IQCH: variants seen among roughly 807,000 people sequenced by gnomAD.
The protein encoded by IQCH is IQ motif containing H.
In IQCH, 98 loss-of-function variants were observed where a neutral mutation model predicts 117.0. The observed-to-expected ratio is 0.84, with a 90% confidence interval of 0.71 to 0.99. The LOEUF is 0.99. Among genes scored for constraint, IQCH ranks in the 50% least tolerant of loss-of-function variants. The pLI is 0.00. For missense variants in IQCH, 1,102 were observed against 1,243.8 expected, an observed-to-expected ratio of 0.89 and a Z score of 1.72; for synonymous variants, 412 against 448.2, an observed-to-expected ratio of 0.92 and a Z score of 1.02.
rs555501639 is a variant in IQCH at position 67,485,847 on chromosome 15, T to C, written c.2800-4156T>C. 3.9e-3 allele frequency among the ~76,000 whole-genome samples: 596 copies of C among 151,570 alleles called. 2 individuals carry two copies. Among genetic ancestry groups the C allele is most frequent in the Non-Finnish European group, 6.8e-3 (463 of 67,886 alleles). On this transcript the variant is annotated intron_variant, in intron 18 of 20. Transcript: ENST00000335894. Reference sequence around the variant, plus strand: ...CTAGTTTTTGTATTTTTGGTAGAATTGGGGTTTCACCGTGTTGGTCAGGAT... The same window carrying C: ...CTAGTTTTTGTATTTTTGGTAGAATCGGGGTTTCACCGTGTTGGTCAGGAT...
Position 67,361,148 on chromosome 15 carries a change from G to C in IQCH, c.753+1263G>C, listed in dbSNP as rs151324379. ...GGGTGCAAAGGATCCAGCTGACAGA[G>C]TGAAGCTCCGGAGTTTGTGCTCTCT... On this transcript the variant is annotated intron_variant, in intron 8 of 20. Transcript: ENST00000335894. Among the ~76,000 whole-genome samples, 97 of 152,326 alleles carry C rather than the reference G, an allele frequency of 6.4e-4. 1 individual carries two copies. Among genetic ancestry groups the C allele is most frequent in the Admixed American group, 4.3e-3 (66 of 15,302 alleles).
rs901627012 is a variant in IQCH, at chr15:67,306,921, C to T, written c.387+27409C>T. 3.5e-6 allele frequency: 5 copies of T among 1,436,916 alleles called. No homozygotes were observed. In the African/African-American group the frequency reaches 5.8e-5, roughly 17 times the overall value. The allele number at this position is 1,436,916 out of a possible 1,614,324, so 89.0% of individuals were successfully genotyped here. ...GTTCCAGTTAGACTTTATAATACAA[C>T]ACATTAAGAAATCTACAGAAAATTT... On this transcript the variant is annotated intron_variant, in intron 4 of 20. Transcript: ENST00000335894.
At chr15:67,396,492 A>G (rs1028688008) in intron 13 of IQCH, among the ~76,000 whole-genome samples, 1 of 152,234 alleles carries the variant, frequency 6.6e-6, no homozygotes, top group Non-Finnish European at 1.5e-5. Context: ...GGAGAAATGT[A>G]TTAGCCACTA....
At chr15:67,299,120 C>T (rs571723531) in intron 4 of IQCH, among the ~76,000 whole-genome samples, 1 of 148,316 alleles carries the variant, frequency 6.7e-6, no homozygotes, top group African/African-American at 2.5e-5. Flanking sequence ...TTTGCAACAA[C>T]ATGGATAGAA....
chr15:67,326,116 C>T (rs1232386083), intron 4 of IQCH, among the ~76,000 whole-genome samples: 2 of 152,112 alleles, frequency 1.3e-5, no homozygotes, highest in Non-Finnish European at 2.9e-5. Flanking sequence ...TCCCTCCCCA[C>T]TACCCCCACC....
intron 6 of IQCH, among the ~76,000 whole-genome samples, chr15:67,351,338 G>A (rs1341496290): frequency 6.6e-6 from 1 of 151,860 alleles, no homozygotes; most frequent in Non-Finnish European, 1.5e-5. Flanking sequence ...AGAACATACA[G>A]TGTTTGGTTT....
chr15:67,324,491 T>C (rs1485660628), intron 4 of IQCH, among the ~76,000 whole-genome samples: 1 of 151,626 alleles, frequency 6.6e-6, no homozygotes, highest in African/African-American at 2.4e-5. Context: ...ATGCCTGTTA[T>C]CTCAGCTACT....
chr15:67,349,064 A>G (rs1048245047), intron 6 of IQCH, among the ~76,000 whole-genome samples: 2 of 152,248 alleles, frequency 1.3e-5, no homozygotes, highest in African/African-American at 4.8e-5. Context: ...ATAAAAGGGA[A>G]AAAAAGAACC....
At chr15:67,301,462 T>G (rs1340342894) in intron 4 of IQCH, among the ~76,000 whole-genome samples, 12 of 129,140 alleles carry the variant, frequency 9.3e-5, no homozygotes, top group Admixed American at 4.2e-4. Flanking sequence ...CAGGCTAGAG[T>G]GCAGTGGCAT....
chr15:67,353,314 A>C (rs1969745664), intron 6 of IQCH, among the ~76,000 whole-genome samples: 1 of 151,156 alleles, frequency 6.6e-6, no homozygotes, highest in African/African-American at 2.4e-5. Context: ...AAAATGACCC[A>C]AAATAATTAA....
rs949941824 is a variant in IQCH at position 67,467,859 on chromosome 15, C to T, written c.2676+2562C>T. 2.0e-5 allele frequency among the ~76,000 whole-genome samples: 3 copies of T among 152,248 alleles called. No individual in the cohort carries two copies. Among genetic ancestry groups the T allele is most frequent in the Admixed American group, 2.0e-4 (3 of 15,278 alleles). ...ATTCAAAACTAATGCCTATAAAATGCTTCCAGTGTGGGCCCTTTTCTTTAA... is the reference window on the plus strand; with the variant it reads ...ATTCAAAACTAATGCCTATAAAATGTTTCCAGTGTGGGCCCTTTTCTTTAA... On this transcript the variant is annotated intron_variant, in intron 17 of 20. Transcript: ENST00000335894. This position sits in a 1 kb window ranked among gnomAD's most constrained non-coding sequence, Gnocchi z 5.7.
chr15:67,306,142 G>A lies in IQCH; in HGVS notation c.387+26630G>A, dbSNP rs144729219. 1.8e-3 allele frequency among the ~76,000 whole-genome samples: 271 copies of A among 151,982 alleles called. 1 individual carries two copies. The highest frequency in any genetic ancestry group is 5.0e-3 in the Admixed American group (77 of 15,254). ...TCATTTTATGTTGATATAGTTGTATGGTAATACTAACTGAAAAACAGTATT... is the reference window on the plus strand; with the variant it reads ...TCATTTTATGTTGATATAGTTGTATAGTAATACTAACTGAAAAACAGTATT... On this transcript the variant is annotated intron_variant, in intron 4 of 20. Coordinates refer to ENST00000335894, the MANE Select transcript of IQCH (RefSeq NM_001031715.3).
chr15:67,455,093 C>T (rs1236282150), intron 16 of IQCH, among the ~76,000 whole-genome samples: 1 of 152,120 alleles, frequency 6.6e-6, no homozygotes, highest in African/African-American at 2.4e-5. Flanking sequence ...TTCAACCATC[C>T]TTGTGGGTGT....
rs1170691131 is a variant in IQCH at position 67,463,755 on chromosome 15, T to C, written c.2506-1372T>C. ...AGTCTGTCCTTTCTTTCTGCTTCAGTAGTACTTTGTTCCACCCCATTATTT... is the reference window on the plus strand; with the variant it reads ...AGTCTGTCCTTTCTTTCTGCTTCAGCAGTACTTTGTTCCACCCCATTATTT... On this transcript the variant is annotated intron_variant, in intron 16 of 20. Coordinates refer to ENST00000335894, the MANE Select transcript of IQCH (RefSeq NM_001031715.3). This position sits in a 1 kb window ranked among gnomAD's most constrained non-coding sequence, Gnocchi z 4.0. 6.6e-6 allele frequency among the ~76,000 whole-genome samples: 1 copy of C among 152,238 alleles called. No individual in the cohort carries two copies. The highest frequency in any genetic ancestry group is 2.4e-5 in the African/African-American group (1 of 41,468).
chr15:67,422,349 G>T lies in IQCH; in HGVS notation c.2505+772G>T, dbSNP rs189329137. On this transcript the variant is annotated intron_variant, in intron 16 of 20. Coordinates refer to ENST00000335894, the MANE Select transcript of IQCH (RefSeq NM_001031715.3). The surrounding 1 kb of genome is among the most constrained non-coding windows in gnomAD (Gnocchi z 4.7). ...TGTCTCATTTTTTTCTTTAAAAAACGTACTGAGAGATACCTCATAAATATA... is the reference window on the plus strand; with the variant it reads ...TGTCTCATTTTTTTCTTTAAAAAACTTACTGAGAGATACCTCATAAATATA... 6.6e-6 allele frequency among the ~76,000 whole-genome samples: 1 copy of T among 151,934 alleles called. No homozygotes were observed. The highest frequency in any genetic ancestry group is 2.4e-5 in the African/African-American group (1 of 41,338).
intron 3 of IQCH, among the ~76,000 whole-genome samples, chr15:67,270,899 G>GT (rs1195025236): frequency 6.6e-6 from 1 of 152,152 alleles, no homozygotes; most frequent in Non-Finnish European, 1.5e-5. Context: ...TGATCATATG[G>GT]TTTTTTGTTC....
chr15:67,291,652 C>A (rs6494643), intron 4 of IQCH, among the ~76,000 whole-genome samples: 2,264 of 152,094 alleles, frequency 0.015, 56 homozygotes, highest in African/African-American at 0.048. Flanking sequence ...GGTAAAAGAT[C>A]AAAAATGGAA....
chr15:67,286,778 T>G (rs1966580539), intron 4 of IQCH, among the ~76,000 whole-genome samples: 1 of 151,774 alleles, frequency 6.6e-6, no homozygotes, highest in Non-Finnish European at 1.5e-5. Flanking sequence ...CCGGCTAATT[T>G]TTTTTTGTAT....
At position 67,280,837 on chromosome 15, in the gene IQCH, GTTA is replaced by G. The variant is rs61573874; in HGVS notation, c.387+1350_387+1352del. On this transcript the variant is annotated intron_variant, in intron 4 of 20. Transcript: ENST00000335894. ...CTTCAGAACAATCCTAGAAGGAGGT[GTTA>G]TTATTATTATTATTATTATTATTAA... Among the ~76,000 whole-genome samples, 123 of 125,094 alleles carry G rather than the reference GTTA, an allele frequency of 9.8e-4. 5 individuals are homozygous for G. The East Asian group carries it at 0.013, about 13-fold the overall frequency. 82.1% of individuals were successfully genotyped at this position (125,094 alleles called of 152,430 possible).
Sources: allele counts gnomAD v4.1 joint callset (sites outside exome capture counted in the v4.1 genomes callset), GRCh38; gene constraint gnomAD v4.1.1; non-coding constraint Gnocchi (gnomAD v3.1); transcripts MANE v1.5; gene names NCBI Gene and HGNC (gene_info 2026-07-23, HGNC 2026-07-21).